The following PLXNC1 variants were observed in gnomAD, a reference collection of about 807,000 sequenced individuals.
PLXNC1 encodes the protein plexin C1.
PLXNC1 carries 75 observed loss-of-function variants against 178.2 expected under a neutral mutation model. The ratio of observed to expected loss-of-function variants is 0.42; its 90% confidence interval spans 0.35 to 0.51. The LOEUF (loss-of-function observed/expected upper bound fraction) is 0.51, where lower values mean the gene tolerates loss of function less well. Among genes scored for constraint, PLXNC1 ranks in the 20% least tolerant of loss-of-function variants. The probability of loss-of-function intolerance (pLI) is 0.02; values close to 1 mark genes in which losing one functional copy is unlikely to be tolerated. For synonymous variants in PLXNC1, 790 were observed against 779.9 expected (o/e 1.01, Z -0.22); for missense variants, 1,503 against 1,984.4 (o/e 0.76, Z 4.61).
chr12:94,292,292 G>A (rs560300575), intron 23 of PLXNC1, among the ~76,000 whole-genome samples: 1 of 152,132 alleles, frequency 6.6e-6, no homozygotes, highest in Non-Finnish European at 1.5e-5. Context: ...GGATGAAGAT[G>A]GGGTGGTCAT....
At chr12:94,302,463 T>C (rs1555212911) in intron 28 of PLXNC1, among the ~76,000 whole-genome samples, 1 of 152,194 alleles carries the variant, frequency 6.6e-6, no homozygotes, top group Non-Finnish European at 1.5e-5. Flanking sequence ...TTGTGAACTT[T>C]CCCCAATATA....
rs1964452945 is a variant in PLXNC1, at chr12:94,243,750, G to A, written c.2301-188G>A. On this transcript the variant is annotated intron_variant, in intron 11 of 30. Coordinates refer to ENST00000258526, the MANE Select transcript of PLXNC1 (RefSeq NM_005761.3). ...TATATTTATGCATCTTGAAACCCAT[G>A]AATTTGTGGCTGGTATCCTGAAAAG... Among the ~76,000 whole-genome samples, 11 of 152,324 alleles carry A rather than the reference G, an allele frequency of 7.2e-5. 1 individual carries two copies. In the South Asian group the frequency reaches 2.3e-3, roughly 32 times the overall value.
intron 1 of PLXNC1, 122 bp from the exon 2 acceptor site, chr12:94,169,031 T>A (rs559053184): frequency 5.8e-6 from 5 of 857,504 alleles, no homozygotes; most frequent in Non-Finnish European, 8.9e-6. Context: ...TAAGAGAATA[T>A]ATGTGGGGCC....
At position 94,282,338 on chromosome 12, in the gene PLXNC1, C is replaced by G. The variant is rs765418579; in HGVS notation, c.3816C>G (p.Ile1272Met). Residue 1272 changes from isoleucine (I) to methionine (M), a missense_variant, in exon 23 of 31, where the codon ATC becomes ATG. Ile to Met is a conservative substitution (Grantham distance 10, BLOSUM62 1). Transcript: ENST00000258526. ...MGTRQKELLDIDSSSVILEDG... is the reference protein window; with the variant it reads ...MGTRQKELLDMDSSSVILEDG... ...CACGACAGAAAGAACTTCTGGACAT[C>G]GACAGTTCCTCCGTGATTCTTGAAG... 6.9e-5 allele frequency: 111 copies of G among 1,613,894 alleles called. No individual in the cohort carries two copies. Among genetic ancestry groups the G allele is most frequent in the Non-Finnish European group, 9.2e-5 (108 of 1,179,880 alleles).
rs146495525 is a variant in PLXNC1, at chr12:94,264,360, C to G, written c.3451-719C>G. Among the ~76,000 whole-genome samples, 1,500 of 152,256 alleles carry G rather than the reference C, an allele frequency of 9.9e-3. 19 individuals are homozygous for G. Among genetic ancestry groups the G allele is most frequent in the Non-Finnish European group, 0.013 (878 of 68,014 alleles). ...TGTGGCTTAAATTTGTAGAAAGAGCCAATCGGGATGGGCCGAGTGTTTGGA... is the reference window on the plus strand; with the variant it reads ...TGTGGCTTAAATTTGTAGAAAGAGCGAATCGGGATGGGCCGAGTGTTTGGA... On this transcript the variant is annotated intron_variant, in intron 20 of 30. Transcript: ENST00000258526.
intron 4 of PLXNC1, among the ~76,000 whole-genome samples, chr12:94,198,827 C>T (rs1963018426): frequency 6.6e-6 from 1 of 152,154 alleles, no homozygotes; most frequent in African/African-American, 2.4e-5. Context: ...AATTCCCATT[C>T]ACTGGGACAC....
rs1230689901 is a variant in PLXNC1 at position 94,294,631 on chromosome 12, G to A, written c.3934+91G>A. 7.9e-6 allele frequency: 5 copies of A among 630,628 alleles called. No homozygotes were observed. In the East Asian group the frequency reaches 1.2e-4, roughly 15 times the overall value. 39.1% of individuals were successfully genotyped at this position (630,628 alleles called of 1,614,324 possible). A position where few individuals can be genotyped will look rare whatever the true frequency, so the allele number is the denominator to read the frequency against. On this transcript the variant is annotated intron_variant, in intron 24 of 30. Transcript: ENST00000258526. Reference sequence around the variant, plus strand: ...CTCTCAGCTGTATTGTCACAAAGGTGAGATTGAGTTGTTGCTATGTAATTC... The same window carrying A: ...CTCTCAGCTGTATTGTCACAAAGGTAAGATTGAGTTGTTGCTATGTAATTC...
chr12:94,163,238 C>A (rs1217475739), intron 1 of PLXNC1, among the ~76,000 whole-genome samples: 6 of 151,944 alleles, frequency 3.9e-5, no homozygotes, highest in Admixed American at 3.9e-4. Flanking sequence ...GTGGCAGGCA[C>A]CTGTAGCTAC....
chr12:94,248,232 A>C lies in PLXNC1; in HGVS notation c.2598A>C (p.Glu866Asp). 6.2e-7 allele frequency: 1 copy of C among 1,609,024 alleles called. No individual in the cohort carries two copies. ...DTELEVKIQK[E>D]NDNFNISKKD... ...CTTCATTTTGTTCTTTACAGAAAGAAAATGACAACTTCAACATTTCCAAAA... is the reference window on the plus strand; with the variant it reads ...CTTCATTTTGTTCTTTACAGAAAGACAATGACAACTTCAACATTTCCAAAA... The change falls in exon 14 of 31, where the codon GAA (glutamate) becomes GAC (aspartate). Residue 866 changes from glutamate (E) to aspartate (D), a missense_variant. By Grantham distance (45) the Glu-to-Asp change is conservative. Coordinates refer to ENST00000258526, the MANE Select transcript of PLXNC1 (RefSeq NM_005761.3).
chr12:94,282,419 C>A lies in PLXNC1; in HGVS notation c.3879+18C>A. The A allele has an allele frequency of 6.8e-7, 1 of 1,478,756 alleles. No individual in the cohort carries two copies. The allele number at this position is 1,478,756 out of a possible 1,614,324, so 91.6% of individuals were successfully genotyped here. On this transcript the variant is annotated intron_variant, in intron 23 of 30. Transcript: ENST00000258526. ...ACTATGAGGTAAGAGCAAGACTTGA[C>A]CCCGTGTCTCCTTCCTCATCCCCAA...
intron 2 of PLXNC1, among the ~76,000 whole-genome samples, chr12:94,179,681 C>T (rs899697661): frequency 5.7e-5 from 8 of 141,290 alleles, no homozygotes; most frequent in Non-Finnish European, 1.5e-5. Context: ...GCAGAGGTTG[C>T]AGTGAGCCAA....
chr12:94,271,841 A>G (rs1965590062), intron 21 of PLXNC1, among the ~76,000 whole-genome samples: 1 of 152,260 alleles, frequency 6.6e-6, no homozygotes, highest in East Asian at 1.9e-4. Flanking sequence ...TTGGTTGGTT[A>G]TTTATTGATG....
chr12:94,192,527 G>A (rs929233531), intron 4 of PLXNC1, among the ~76,000 whole-genome samples: 2 of 151,656 alleles, frequency 1.3e-5, no homozygotes, highest in Non-Finnish European at 2.9e-5. Context: ...ATTTACATTT[G>A]TTTTTCATGC....
chr12:94,181,413 A>C, intron 2 of PLXNC1, 33 bp from the exon 3 acceptor site: 243 of 1,172,204 alleles, frequency 2.1e-4, no homozygotes, highest in Non-Finnish European at 1.9e-4. Context: ...ATTAAATAGA[A>C]ATCATGTTTC....
chr12:94,281,509 A>G (rs1243009033), intron 22 of PLXNC1, among the ~76,000 whole-genome samples: 1 of 152,198 alleles, frequency 6.6e-6, no homozygotes, highest in Non-Finnish European at 1.5e-5. Flanking sequence ...TGTGGACTAC[A>G]GATTGTATTA....
intron 25 of PLXNC1, 45 bp from the exon 26 acceptor site, chr12:94,297,271 C>T (rs1384973397): frequency 6.2e-7 from 1 of 1,612,688 alleles, no homozygotes; most frequent in Middle Eastern, 1.7e-4. Flanking sequence ...CCTTCTGTAG[C>T]AAGAGTGGTC....
intron 3 of PLXNC1, among the ~76,000 whole-genome samples, chr12:94,184,005 G>A (rs11107432): frequency 2.0e-5 from 3 of 152,030 alleles, no homozygotes; most frequent in Admixed American, 6.6e-5. Context: ...GGTATGATAC[G>A]GGGCCGCTAA....
chr12:94,280,798 G>A (rs112425343), intron 22 of PLXNC1, among the ~76,000 whole-genome samples: 33 of 152,344 alleles, frequency 2.2e-4, no homozygotes, highest in African/African-American at 6.5e-4. Context: ...TGGTCCTGCC[G>A]CTGATGAGTA....
intron 11 of PLXNC1, among the ~76,000 whole-genome samples, chr12:94,240,931 T>C (rs1181282818): frequency 2.0e-5 from 3 of 152,204 alleles, no homozygotes; most frequent in Non-Finnish European, 4.4e-5. Flanking sequence ...GTTTTTGATA[T>C]AGATATATGA....
Sources: allele counts gnomAD v4.1 joint callset (sites outside exome capture counted in the v4.1 genomes callset), GRCh38; gene constraint gnomAD v4.1.1; transcripts MANE v1.5; gene names NCBI Gene and HGNC (gene_info 2026-07-23, HGNC 2026-07-21).